The following RNF217 variants were observed in gnomAD, a reference collection of about 807,000 sequenced individuals.
RNF217 encodes ring finger protein 217.
A neutral mutation model predicts 57.8 loss-of-function variants in RNF217; 31 were observed. The ratio of observed to expected loss-of-function variants is 0.54; its 90% CI spans 0.40 to 0.72. The LOEUF (loss-of-function observed/expected upper bound fraction) is 0.72, where lower values mean the gene tolerates loss of function less well. RNF217 is among the 30% of genes least tolerant of loss of function. The pLI is 0.00. For missense variants in RNF217, 696 were observed against 708.3 expected (o/e 0.98, Z 0.20); for synonymous variants, 313 against 294.0 (o/e 1.06, Z -0.66).
intron 2 of RNF217, among the ~76,000 whole-genome samples, chr6:125,051,003 A>T (rs1003815370): frequency 3.3e-5 from 5 of 151,978 alleles, no homozygotes; most frequent in Non-Finnish European, 7.4e-5. Context: ...CTCAGCTATG[A>T]TGCAAGCCTA....
intron 1 of RNF217, among the ~76,000 whole-genome samples, chr6:125,034,850 G>C (rs1442792851): frequency 3.6e-4 from 54 of 151,778 alleles, no homozygotes; most frequent in African/African-American, 1.3e-3. Context: ...TCTTCCATTT[G>C]TTTGTATCCT....
chr6:124,999,503 T>C (rs1028523748), intron 1 of RNF217, among the ~76,000 whole-genome samples: 1 of 152,158 alleles, frequency 6.6e-6, no homozygotes, highest in Non-Finnish European at 1.5e-5. Flanking sequence ...CTCATTGTTA[T>C]GTTTAGTGTG....
chr6:125,010,728 T>TA (rs1785383380), intron 1 of RNF217, among the ~76,000 whole-genome samples: 1 of 152,190 alleles, frequency 6.6e-6, no homozygotes, highest in Non-Finnish European at 1.5e-5. Context: ...TCTTTGTGCC[T>TA]ACTACCCTAT....
chr6:125,067,574 G>C (rs1012609645), intron 3 of RNF217, among the ~76,000 whole-genome samples: 6 of 152,130 alleles, frequency 3.9e-5, no homozygotes, highest in Non-Finnish European at 8.8e-5. Context: ...CTAAATGGAT[G>C]GTGATACCAT....
At chr6:125,073,690 T>A (rs1343152789) in intron 3 of RNF217, among the ~76,000 whole-genome samples, 11 of 152,084 alleles carry the variant, frequency 7.2e-5, no homozygotes, top group Non-Finnish European at 1.2e-4. Flanking sequence ...CACTCTCTAG[T>A]CCAGCATCAG....
intron 3 of RNF217, among the ~76,000 whole-genome samples, chr6:125,066,439 T>C (rs928912668): frequency 6.6e-6 from 1 of 152,190 alleles, no homozygotes; most frequent in African/African-American, 2.4e-5. Flanking sequence ...CACTGCTGGC[T>C]GTGCTTCGAA....
At chr6:125,039,757 T>C (rs1004141648) in intron 1 of RNF217, among the ~76,000 whole-genome samples, 2 of 152,128 alleles carry the variant, frequency 1.3e-5, no homozygotes, top group African/African-American at 4.8e-5. Flanking sequence ...TCTCTCAGAC[T>C]ACAGTGCAAT....
At chr6:125,082,052 G>C (rs957593436) in intron 5 of RNF217, among the ~76,000 whole-genome samples, 2 of 152,098 alleles carry the variant, frequency 1.3e-5, no homozygotes, top group African/African-American at 4.8e-5. Context: ...GTGGTTCTCA[G>C]ACTCTAGCAT....
intron 3 of RNF217, among the ~76,000 whole-genome samples, chr6:125,059,043 G>A (rs937348162): frequency 6.6e-6 from 1 of 151,974 alleles, no homozygotes; most frequent in African/African-American, 2.4e-5. Context: ...GAATACAATT[G>A]GAAGTAAAAG....
At chr6:125,018,675 T>C (rs940322432) in intron 1 of RNF217, among the ~76,000 whole-genome samples, 1 of 152,194 alleles carries the variant, frequency 6.6e-6, no homozygotes, top group Non-Finnish European at 1.5e-5. Flanking sequence ...AAGAGGCTAG[T>C]GTGCACCAGT....
intron 3 of RNF217, among the ~76,000 whole-genome samples, chr6:125,068,508 T>C (rs751224133): frequency 6.6e-6 from 1 of 152,222 alleles, no homozygotes; most frequent in Non-Finnish European, 1.5e-5. Context: ...TATGAATATA[T>C]ATTTGTTAGT....
At chr6:125,053,591 G>A (rs1787410007) in intron 2 of RNF217, among the ~76,000 whole-genome samples, 2 of 151,968 alleles carry the variant, frequency 1.3e-5, no homozygotes, top group South Asian at 4.1e-4. Context: ...TAATGATCTG[G>A]GGTTTTCTTT....
intron 1 of RNF217, chr6:125,008,673 A>G (rs1363941483): frequency 6.7e-6 from 1 of 149,550 alleles, no homozygotes; most frequent in Non-Finnish European, 1.5e-5. Flanking sequence ...TGACTGTATC[A>G]TTTCTCATCC....
At chr6:125,074,058 C>G (rs1349726995) in intron 3 of RNF217, among the ~76,000 whole-genome samples, 1 of 152,102 alleles carries the variant, frequency 6.6e-6, no homozygotes, top group Non-Finnish European at 1.5e-5. Flanking sequence ...GCTTACCTGC[C>G]AAGTGTCAGT....
At chr6:125,043,222 A>G (rs1006269573) in intron 1 of RNF217, among the ~76,000 whole-genome samples, 2 of 152,004 alleles carry the variant, frequency 1.3e-5, no homozygotes, top group African/African-American at 4.8e-5. Flanking sequence ...GGTGCTATAC[A>G]AGTTGATCCA....
chr6:125,076,617 G>A (rs768832403), intron 3 of RNF217, 40 bp from the exon 4 acceptor site: 3 of 1,477,700 alleles, frequency 2.0e-6, no homozygotes, highest in Non-Finnish European at 2.8e-6. Flanking sequence ...TAAAAACTCA[G>A]CTAACTCTTT....
At position 125,021,960 on chromosome 6, in the gene RNF217, C is replaced by T. The variant is rs541931096; in HGVS notation, c.883-23251C>T. On this transcript the variant is annotated intron_variant, in intron 1 of 5. Coordinates refer to ENST00000521654, the MANE Select transcript of RNF217 (RefSeq NM_001286398.3). ...GCACTGGCATGATCTCAGCTCACTG[C>T]AACTTCTGCCTCCCAGGTTCAAGCC... 1.6e-4 allele frequency among the ~76,000 whole-genome samples: 25 copies of T among 152,248 alleles called. No homozygotes were observed. In the South Asian group the frequency reaches 5.2e-3, roughly 32 times the overall value.
chr6:124,967,782 A>AT (rs561691064), intron 1 of RNF217, among the ~76,000 whole-genome samples: 76 of 149,412 alleles, frequency 5.1e-4, no homozygotes, highest in African/African-American at 1.1e-3. Flanking sequence ...CATAACATAA[A>AT]TTTTTTTTTT....
At chr6:125,047,871 AG>A (rs1246710749) in intron 2 of RNF217, among the ~76,000 whole-genome samples, 1 of 152,082 alleles carries the variant, frequency 6.6e-6, no homozygotes, top group Non-Finnish European at 1.5e-5. Context: ...ATGAAACTTA[AG>A]CAAATTTCAA....
Sources: allele counts gnomAD v4.1 joint callset (sites outside exome capture counted in the v4.1 genomes callset), GRCh38; gene constraint gnomAD v4.1.1; transcripts MANE v1.5; gene names NCBI Gene and HGNC (gene_info 2026-07-23, HGNC 2026-07-21).